Variants in TJP2 observed in about 807,000 individuals in gnomAD.
TJP2 encodes the protein Friedreich ataxia region gene X104 (tight junction protein ZO-2).
Under a neutral mutation model 133.1 loss-of-function variants are expected in TJP2, and 91 were observed. That is an observed-to-expected ratio of 0.68 (90% CI 0.58 to 0.81). The LOEUF (loss-of-function observed/expected upper bound fraction) is 0.81, where lower values mean the gene tolerates loss of function less well. TJP2 is among the 40% of genes least tolerant of loss of function. The probability of loss-of-function intolerance (pLI) is 0.00; values close to 1 mark genes in which losing one functional copy is unlikely to be tolerated. For synonymous variants in TJP2, 592 were observed against 583.4 expected (o/e 1.01, Z -0.21); for missense variants, 1,541 against 1,565.6 (o/e 0.98, Z 0.26).
intron 1 of TJP2, among the ~76,000 whole-genome samples, chr9:69,131,289 T>A (rs1822484268): frequency 2.0e-5 from 3 of 152,198 alleles, no homozygotes; most frequent in Admixed American, 2.0e-4. Flanking sequence ...TAACTTGATA[T>A]AAGCCGATTC....
chr9:69,192,592 C>T (rs1826277573), intron 1 of TJP2, among the ~76,000 whole-genome samples: 1 of 152,196 alleles, frequency 6.6e-6, no homozygotes, highest in African/African-American at 2.4e-5. Flanking sequence ...TGTTGCTCTC[C>T]TTCAGATAAA....
chr9:69,222,417 T>C (rs1279926235), intron 5 of TJP2, among the ~76,000 whole-genome samples: 1 of 150,416 alleles, frequency 6.6e-6, no homozygotes, highest in Non-Finnish European at 1.5e-5. Flanking sequence ...CTGCCCACCT[T>C]GGCCTCCCAA....
At position 69,123,695 on chromosome 9, in the gene TJP2, G is replaced by A. The variant is rs1822238834; in HGVS notation, c.-131+1970G>A. ...TAGAGACAACTATAAACCTTCAAGC[G>A]TTTCCTATTTTGACTGAAATGGAAT... On this transcript the variant is annotated intron_variant, in intron 1 of 5. Transcript: ENST00000423935. 2.6e-5 allele frequency among the ~76,000 whole-genome samples: 2 copies of A among 76,202 alleles called. 1 individual carries two copies. Among genetic ancestry groups the A allele is most frequent in the Admixed American group, 3.8e-4 (2 of 5,274 alleles). The allele number at this position is 76,202 out of a possible 152,430, so 50.0% of individuals were successfully genotyped here. A position where few individuals can be genotyped will look rare whatever the true frequency, so the allele number is the denominator to read the frequency against.
At chr9:69,234,678 T>C in intron 12 of TJP2, 131 bp downstream of exon 12, 1 of 659,126 alleles carries the variant, frequency 1.5e-6, no homozygotes, top group Non-Finnish European at 2.6e-6. Flanking sequence ...CACCTAGTCC[T>C]TGGGCCCTAG....
chr9:69,227,611 T>G (rs916977213), intron 7 of TJP2, among the ~76,000 whole-genome samples, 154 bp from the exon 8 acceptor site: 1 of 152,206 alleles, frequency 6.6e-6, no homozygotes, highest in Non-Finnish European at 1.5e-5. Context: ...GAGCAAGTTT[T>G]TCTCCAGGGG....
intron 1 of TJP2, among the ~76,000 whole-genome samples, chr9:69,188,220 T>A (rs1417605436): frequency 1.3e-5 from 2 of 152,168 alleles, no homozygotes; most frequent in Non-Finnish European, 2.9e-5. Context: ...TTTGGTTAGC[T>A]TTTCTCTAGC....
At chr9:69,167,683 C>T (rs1419375233) in intron 2 of TJP2, among the ~76,000 whole-genome samples, 1 of 151,994 alleles carries the variant, frequency 6.6e-6, no homozygotes, top group Non-Finnish European at 1.5e-5. Flanking sequence ...GCTTGGCCAA[C>T]GTGGTGAAAC....
intron 1 of TJP2, among the ~76,000 whole-genome samples, chr9:69,195,042 C>T (rs531692615): frequency 1.8e-4 from 27 of 152,174 alleles, no homozygotes; most frequent in African/African-American, 6.0e-4. Context: ...TGGGAGGGAA[C>T]GATTGACCTT....
chr9:69,175,404 C>A (rs987830078), intron 1 of TJP2, among the ~76,000 whole-genome samples: 7 of 152,184 alleles, frequency 4.6e-5, no homozygotes, highest in Admixed American at 4.6e-4. Context: ...GGTGTGCTGA[C>A]GGTCCTTTTG....
Position 69,212,636 on chromosome 9 carries a change from T to C in TJP2, c.114+35T>C, listed in dbSNP as rs191003986. 3 of 1,551,536 alleles carry C rather than the reference T, an allele frequency of 1.9e-6. No individual in the cohort carries two copies. In the South Asian group the frequency reaches 3.3e-5, roughly 17 times the overall value. Reference sequence around the variant, plus strand: ...GCACATTTCATATATTCTACAGTCATGTTCTTGATTTTACGGATCATGGAT... The same window carrying C: ...GCACATTTCATATATTCTACAGTCACGTTCTTGATTTTACGGATCATGGAT... On this transcript the variant is annotated intron_variant, in intron 2 of 22. Transcript: ENST00000377245.
At chr9:69,248,246 G>A (rs570373659) in intron 19 of TJP2, 22 bp downstream of exon 19, 3 of 1,567,146 alleles carry the variant, frequency 1.9e-6, no homozygotes, top group Non-Finnish European at 2.6e-6. Context: ...CAGGCCACGG[G>A]CAGGAACAGG....
At chr9:69,143,388 A>G (rs1427149989) in intron 1 of TJP2, among the ~76,000 whole-genome samples, 4 of 152,164 alleles carry the variant, frequency 2.6e-5, no homozygotes, top group Admixed American at 2.6e-4. Flanking sequence ...TTGTATAGTA[A>G]TTTTTATCAT....
intron 2 of TJP2, among the ~76,000 whole-genome samples, chr9:69,215,852 G>A (rs1828328354): frequency 6.6e-6 from 1 of 152,192 alleles, no homozygotes; most frequent in South Asian, 2.1e-4. Flanking sequence ...GTAGTGAGTA[G>A]TGATCACACC....
rs1824110052 is a variant in TJP2 at position 69,162,151 on chromosome 9, CTTTATAT to C, written c.-10+10381_-10+10387del. On this transcript the variant is annotated intron_variant, in intron 2 of 5. Transcript: ENST00000423935. Reference sequence around the variant, plus strand: ...ATATATTATATATGAATATATATGCCTTTATATATTATATATATACATAAAGTATAAT... The same window carrying C: ...ATATATTATATATGAATATATATGCCATTATATATATACATAAAGTATAAT... Among the ~76,000 whole-genome samples, 6 of 145,674 alleles carry C rather than the reference CTTTATAT, an allele frequency of 4.1e-5. No homozygotes were observed. The South Asian group carries it at 1.1e-3, about 26-fold the overall frequency.
intron 1 of TJP2, among the ~76,000 whole-genome samples, chr9:69,147,415 A>C (rs1397092787): frequency 6.6e-6 from 1 of 152,144 alleles, no homozygotes; most frequent in Non-Finnish European, 1.5e-5. Flanking sequence ...GGAATTGGGG[A>C]GATGCAAGCC....
upstream of TJP2, chr9:69,174,230 G>A (rs958306466): frequency 8.7e-6 from 13 of 1,487,480 alleles, no homozygotes; most frequent in East Asian, 2.1e-4. Flanking sequence ...GAGGGACAAA[G>A]GGGTGGGTCC....
chr9:69,231,643 T>A (rs1056306384), intron 11 of TJP2, among the ~76,000 whole-genome samples: 6 of 127,896 alleles, frequency 4.7e-5, no homozygotes, highest in African/African-American at 1.8e-4. Flanking sequence ...GTATTTCAGA[T>A]TTCATTTCTG....
chr9:69,240,785 A>G (rs1404651024), intron 17 of TJP2, among the ~76,000 whole-genome samples: 1 of 151,252 alleles, frequency 6.6e-6, no homozygotes, highest in East Asian at 1.9e-4. Flanking sequence ...CTGGTGACTG[A>G]GTGAGACCCT....
chr9:69,152,354 T>C (rs1823515568), intron 2 of TJP2, among the ~76,000 whole-genome samples: 1 of 152,204 alleles, frequency 6.6e-6, no homozygotes, highest in Non-Finnish European at 1.5e-5. Flanking sequence ...CATTTGTTTT[T>C]TGTTACACTT....
Sources: gnomAD v4.1 joint callset for allele counts (sites outside exome capture counted in the v4.1 genomes callset) on GRCh38, gnomAD v4.1.1 for gene constraint, MANE v1.5 for transcripts, NCBI Gene and HGNC (gene_info 2026-07-23, HGNC 2026-07-21) for gene names.